The following NCALD variants were observed in gnomAD, a reference collection of about 807,000 sequenced individuals.
NCALD encodes neurocalcin-delta.
NCALD carries 10 observed loss-of-function variants against 18.6 expected under a neutral mutation model. The observed-to-expected ratio is 0.54, with a 90% CI of 0.33 to 0.91. The LOEUF is 0.91. Among genes scored for constraint, NCALD ranks in the 40% least tolerant of loss-of-function variants. The probability of loss-of-function intolerance (pLI) is 0.03; values close to 1 mark genes in which losing one functional copy is unlikely to be tolerated. For missense variants in NCALD, 184 were observed against 247.6 expected (o/e 0.74, Z 1.72); for synonymous variants, 88 against 87.4 (o/e 1.01, Z -0.04).
At chr8:101,974,613 A>G (rs747000623) in intron 2 of NCALD, among the ~76,000 whole-genome samples, 3 of 152,226 alleles carry the variant, frequency 2.0e-5, no homozygotes, top group Non-Finnish European at 2.9e-5. Flanking sequence ...AAAAATATAT[A>G]ATAGCCTAAA....
chr8:102,113,806 G>A (rs535493385), intron 1 of NCALD, among the ~76,000 whole-genome samples: 1 of 152,244 alleles, frequency 6.6e-6, no homozygotes, highest in South Asian at 2.1e-4. Flanking sequence ...TACTGGGTTG[G>A]GCACTTATAT....
At chr8:102,116,607 C>T (rs1402224257) in intron 1 of NCALD, among the ~76,000 whole-genome samples, 6 of 152,162 alleles carry the variant, frequency 3.9e-5, no homozygotes, top group Non-Finnish European at 7.3e-5. Flanking sequence ...CTCAGCCTCC[C>T]GAGTAGCTGG....
intron 1 of NCALD, among the ~76,000 whole-genome samples, chr8:102,024,445 C>G (rs1822385163): frequency 6.6e-6 from 1 of 152,208 alleles, no homozygotes; most frequent in Admixed American, 6.5e-5. Flanking sequence ...TAACATCAGG[C>G]TGGATCTCCC....
At chr8:101,990,747 G>C (rs1488430324) in intron 2 of NCALD, among the ~76,000 whole-genome samples, 1 of 152,094 alleles carries the variant, frequency 6.6e-6, no homozygotes, top group Non-Finnish European at 1.5e-5. Flanking sequence ...CCCAGTCTAA[G>C]GTATATCTTT....
intron 1 of NCALD, among the ~76,000 whole-genome samples, chr8:101,773,760 A>G (rs1247481562): frequency 6.6e-6 from 1 of 152,160 alleles, no homozygotes; most frequent in East Asian, 1.9e-4. Context: ...ATAAATAAAA[A>G]CACATTTCCT....
chr8:101,792,586 G>A (rs542516599), upstream of NCALD, among the ~76,000 whole-genome samples: 3 of 152,284 alleles, frequency 2.0e-5, no homozygotes, highest in South Asian at 6.2e-4. Context: ...AGCCTCACTA[G>A]GGGCAGATTT....
At chr8:101,901,471 C>T (rs1817419608) in intron 3 of NCALD, among the ~76,000 whole-genome samples, 1 of 151,828 alleles carries the variant, frequency 6.6e-6, no homozygotes, top group Non-Finnish European at 1.5e-5. Flanking sequence ...GTATTTAGGA[C>T]TTTTTAAGAA....
chr8:101,752,058 C>T (rs1024961359), intron 1 of NCALD, among the ~76,000 whole-genome samples: 4 of 151,922 alleles, frequency 2.6e-5, no homozygotes, highest in Non-Finnish European at 5.9e-5. Context: ...TTAAAGTTTC[C>T]GATTTTATTA....
intron 1 of NCALD, among the ~76,000 whole-genome samples, chr8:102,082,577 C>A (rs928473165): frequency 1.3e-5 from 2 of 152,086 alleles, no homozygotes; most frequent in Non-Finnish European, 2.9e-5. Flanking sequence ...CCACAAATGC[C>A]CCACATAGAA....
At chr8:102,090,443 C>T (rs1470257290) in intron 1 of NCALD, among the ~76,000 whole-genome samples, 2 of 152,042 alleles carry the variant, frequency 1.3e-5, no homozygotes, top group Admixed American at 6.6e-5. Flanking sequence ...CTGATAACTT[C>T]GGAGACTGTG....
At chr8:102,071,453 CT>C (rs1824175740) in intron 1 of NCALD, among the ~76,000 whole-genome samples, 2 of 152,094 alleles carry the variant, frequency 1.3e-5, no homozygotes, top group South Asian at 4.2e-4. Flanking sequence ...CTCAAAGCAT[CT>C]TGTCTCAGGC....
At chr8:101,722,470 T>C (rs1189661576) in intron 1 of NCALD, among the ~76,000 whole-genome samples, 2 of 152,252 alleles carry the variant, frequency 1.3e-5, no homozygotes, top group African/African-American at 4.8e-5. Flanking sequence ...GGGAGTTCTT[T>C]AGAATATATC....
intron 2 of NCALD, among the ~76,000 whole-genome samples, chr8:101,963,088 T>A (rs1819894282): frequency 6.6e-6 from 1 of 152,192 alleles, no homozygotes; most frequent in African/African-American, 2.4e-5. Context: ...ATAGCTGGCA[T>A]ACAAAATTCC....
rs1006865013 is a variant in NCALD at position 101,872,536 on chromosome 8, T to C, written c.-20+14605A>G. On this transcript the variant is annotated intron_variant, in intron 4 of 6. Transcript: ENST00000311028. The stretch of plus-strand genomic sequence containing the variant: ...GATGTCATTCCACTCAGTGTCTGTG[T>C]TGGGGTCCTGCATCTTGTTTCCAAT... 1.8e-5 allele frequency: 12 copies of C among 684,062 alleles called. No individual in the cohort carries two copies. In the African/African-American group the frequency reaches 2.1e-4, roughly 12 times the overall value. The allele number at this position is 684,062 out of a possible 1,614,324, so 42.4% of individuals were successfully genotyped here. A position where few individuals can be genotyped will look rare whatever the true frequency, so the allele number is the denominator to read the frequency against.
intron 4 of NCALD, among the ~76,000 whole-genome samples, chr8:101,807,644 G>T (rs946885067): frequency 2.0e-5 from 3 of 152,104 alleles, no homozygotes; most frequent in Admixed American, 1.3e-4. Flanking sequence ...ACCAACATCT[G>T]AAAGGCACAT....
At chr8:101,904,771 G>A (rs1192758389) in intron 3 of NCALD, among the ~76,000 whole-genome samples, 1 of 152,092 alleles carries the variant, frequency 6.6e-6, no homozygotes, top group African/African-American at 2.4e-5. Flanking sequence ...CCTGCAAGGT[G>A]CCTACTGATT....
chr8:101,851,498 GAAACTAA>G (rs1370009308), intron 4 of NCALD, among the ~76,000 whole-genome samples: 2 of 151,878 alleles, frequency 1.3e-5, no homozygotes, highest in African/African-American at 2.4e-5. Context: ...ATTTACTTTT[GAAACTAA>G]AAACTAAATA....
chr8:101,733,995 C>T (rs12545512), intron 1 of NCALD, among the ~76,000 whole-genome samples: 31,097 of 152,150 alleles, frequency 0.2, 3,552 homozygotes, highest in East Asian at 0.36. Flanking sequence ...CCACGAGCCC[C>T]GCTTGAGTGT....
At chr8:101,847,338 A>T in intron 4 of NCALD, 1 of 246,702 alleles carries the variant, frequency 4.1e-6, no homozygotes, top group Non-Finnish European at 8.4e-6. Flanking sequence ...CCCAATTATC[A>T]CGCTCATGAG....
Sources: allele counts gnomAD v4.1 joint callset (sites outside exome capture counted in the v4.1 genomes callset), GRCh38; gene constraint gnomAD v4.1.1; transcripts MANE v1.5; gene names NCBI Gene and HGNC (gene_info 2026-07-23, HGNC 2026-07-21).